TBL1XR1: variants seen among roughly 807,000 people sequenced by gnomAD.
TBL1XR1 encodes F-box-like/WD repeat-containing protein TBL1XR1.
TBL1XR1 carries 5 observed loss-of-function variants against 66.9 expected under a neutral mutation model. That is an observed-to-expected ratio of 0.07 (90% CI 0.04 to 0.16). TBL1XR1 has a LOEUF of 0.16. Among genes scored for constraint, TBL1XR1 ranks in the 10% least tolerant of loss-of-function variants. The pLI is 1.00. For missense variants in TBL1XR1, 238 were observed against 623.2 expected (o/e 0.38, Z 6.58); for synonymous variants, 210 against 206.0 (o/e 1.02, Z -0.17).
At chr3:177,142,056 A>T (rs1192554037) in intron 1 of TBL1XR1, among the ~76,000 whole-genome samples, 1 of 152,224 alleles carries the variant, frequency 6.6e-6, no homozygotes, top group African/African-American at 2.4e-5. Context: ...GGCGAGAGGA[A>T]TGAGAAGAAG....
At chr3:177,117,426 G>A (rs1197844199) in intron 1 of TBL1XR1, among the ~76,000 whole-genome samples, 1 of 152,126 alleles carries the variant, frequency 6.6e-6, no homozygotes, top group Non-Finnish European at 1.5e-5. Context: ...CCTTTATTTT[G>A]GTATTGAAAG....
At chr3:177,129,617 C>A (rs928805614) in intron 1 of TBL1XR1, among the ~76,000 whole-genome samples, 1 of 152,148 alleles carries the variant, frequency 6.6e-6, no homozygotes, top group Non-Finnish European at 1.5e-5. Context: ...AGTGGTTACA[C>A]AGGTTTGTCC....
intron 9 of TBL1XR1, 87 bp from the exon 10 acceptor site, chr3:177,046,276 A>G (rs1200110205): frequency 2.2e-6 from 2 of 923,664 alleles, no homozygotes; most frequent in African/African-American, 1.7e-5. Flanking sequence ...TATTACAGCA[A>G]TATGAAATGT....
At chr3:177,043,020 A>C (rs1715813849) in intron 10 of TBL1XR1, among the ~76,000 whole-genome samples, 2 of 152,246 alleles carry the variant, frequency 1.3e-5, no homozygotes, top group South Asian at 4.2e-4. Context: ...ATCTCTAGTC[A>C]AATATAAAAC....
chr3:177,185,096 A>G (rs910705097), intron 1 of TBL1XR1, among the ~76,000 whole-genome samples: 2 of 152,316 alleles, frequency 1.3e-5, no homozygotes, highest in African/African-American at 2.4e-5. Flanking sequence ...CAAAATGGTA[A>G]TAAGAACATC....
At chr3:177,172,261 CAAA>C (rs35087965) in intron 1 of TBL1XR1, among the ~76,000 whole-genome samples, 2 of 100,322 alleles carry the variant, frequency 2.0e-5, no homozygotes, top group Non-Finnish European at 3.8e-5. Context: ...ACTCCCACCT[CAAA>C]AAAAAAAAAA....
At chr3:177,168,248 A>G (rs1289822696) in intron 1 of TBL1XR1, among the ~76,000 whole-genome samples, 1 of 152,072 alleles carries the variant, frequency 6.6e-6, no homozygotes, top group Non-Finnish European at 1.5e-5. Flanking sequence ...TTGAAGTTAA[A>G]AAGAATCAAC....
In TBL1XR1 at chr3:177,022,809, C is replaced by T. The variant is rs1043698940; in HGVS notation, c.*2689G>A. The T allele has an allele frequency of 1.3e-5, 2 of 152,358 alleles. No individual in the cohort carries two copies. Among genetic ancestry groups the T allele is most frequent in the African/African-American group, 4.8e-5 (2 of 41,386 alleles). 9.4% of individuals were successfully genotyped at this position (152,358 alleles called of 1,614,324 possible). On this transcript the variant is annotated 3_prime_UTR_variant, in exon 16 of 16. Coordinates refer to ENST00000457928, the MANE Select transcript of TBL1XR1 (RefSeq NM_024665.7). The stretch of plus-strand genomic sequence containing the variant: ...TTATTGCTGTCTATTGGAGCAGCAT[C>T]GTGGCACATCAGCAGGCAATGATGA...
chr3:177,123,591 T>TTTGG (rs3979212), intron 1 of TBL1XR1, among the ~76,000 whole-genome samples: 1 of 151,344 alleles, frequency 6.6e-6, no homozygotes, highest in Non-Finnish European at 1.5e-5. Flanking sequence ...CCAATTCTGC[T>TTTGG]TTAATATTTT....
chr3:177,114,245 T>TAC (rs1726009294), intron 1 of TBL1XR1, among the ~76,000 whole-genome samples: 2 of 151,208 alleles, frequency 1.3e-5, no homozygotes, highest in Non-Finnish European at 3.0e-5. Flanking sequence ...CATATATATA[T>TAC]ACATCTCATA....
intron 1 of TBL1XR1, among the ~76,000 whole-genome samples, chr3:177,103,306 C>T (rs1279707692): frequency 2.0e-5 from 3 of 152,198 alleles, no homozygotes; most frequent in Non-Finnish European, 1.5e-5. Context: ...CTATCACCTC[C>T]TTTGTGTACT....
intron 1 of TBL1XR1, among the ~76,000 whole-genome samples, chr3:177,116,927 C>A (rs559483956): frequency 1.3e-5 from 2 of 152,324 alleles, no homozygotes; most frequent in Admixed American, 1.3e-4. Context: ...CTGAAATAAA[C>A]TGTCAATCCA....
At chr3:177,117,122 G>T (rs1320578904) in intron 1 of TBL1XR1, among the ~76,000 whole-genome samples, 1 of 152,170 alleles carries the variant, frequency 6.6e-6, no homozygotes, top group Non-Finnish European at 1.5e-5. Context: ...GCAGGAGTGG[G>T]TCAAGATTAT....
chr3:177,131,278 G>A (rs1728262711), intron 1 of TBL1XR1: 2 of 939,816 alleles, frequency 2.1e-6, no homozygotes, highest in Admixed American at 6.2e-5. Flanking sequence ...AAAGTCAAAA[G>A]CTATTTGCCT....
intron 1 of TBL1XR1, among the ~76,000 whole-genome samples, chr3:177,195,140 GTTATTTATGAAT>G (rs1736668484): frequency 6.6e-6 from 1 of 151,842 alleles, no homozygotes; most frequent in Non-Finnish European, 1.5e-5. Flanking sequence ...AAAAATAGTA[GTTATTTATGAAT>G]TTAATGATTG....
intron 1 of TBL1XR1, among the ~76,000 whole-genome samples, chr3:177,146,616 C>T (rs1444361187): frequency 1.6e-5 from 1 of 62,866 alleles, no homozygotes; most frequent in Non-Finnish European, 3.8e-5. Flanking sequence ...AAGTTGTATT[C>T]ACTACTACTT....
At chr3:177,067,233 T>C (rs534449058) in intron 2 of TBL1XR1, among the ~76,000 whole-genome samples, 51 of 152,244 alleles carry the variant, frequency 3.3e-4, no homozygotes, top group Non-Finnish European at 6.2e-4. Context: ...CATAATTTGA[T>C]CAATCATGAA....
intron 1 of TBL1XR1, among the ~76,000 whole-genome samples, chr3:177,148,682 G>A (rs1041869936): frequency 6.6e-6 from 1 of 151,126 alleles, no homozygotes; most frequent in Non-Finnish European, 1.5e-5. Context: ...ACTCCAGCCT[G>A]AGCAACAGAA....
intron 1 of TBL1XR1, among the ~76,000 whole-genome samples, chr3:177,105,379 A>C (rs1421110395): frequency 6.6e-6 from 1 of 152,210 alleles, no homozygotes; most frequent in African/African-American, 2.4e-5. Flanking sequence ...GGACCAGTAG[A>C]AACAGCAACG....
Sources: allele counts gnomAD v4.1 joint callset (sites outside exome capture counted in the v4.1 genomes callset), GRCh38; gene constraint gnomAD v4.1.1; transcripts MANE v1.5; gene names NCBI Gene and HGNC (gene_info 2026-07-23, HGNC 2026-07-21).